The following LRBA variants were observed in gnomAD, a reference collection of about 807,000 sequenced individuals.
LRBA encodes LPS responsive beige-like anchor protein, also known as lipopolysaccharide-responsive and beige-like anchor protein.
LRBA carries 176 observed loss-of-function variants against 330.0 expected under a neutral mutation model. That is an observed-to-expected ratio of 0.53 (90% CI 0.47 to 0.60). The LOEUF (loss-of-function observed/expected upper bound fraction) is 0.60. Ranked by LOEUF, LRBA falls within the 20% of genes least tolerant of loss-of-function variation. LRBA has a pLI of 0.00. For synonymous variants in LRBA, 1,230 were observed against 1,193.0 expected (o/e 1.03, Z -0.64); for missense variants, 3,259 against 3,444.8 (o/e 0.95, Z 1.35).
At position 150,800,444 on chromosome 4, in the gene LRBA, G is replaced by A. The variant is rs1026670935; in HGVS notation, c.5519-2302C>T. On this transcript the variant is annotated intron_variant, in intron 33 of 56. Transcript: ENST00000651943. ...AGAAATAGAGGATAGCCCCAATAAG[G>A]AACTTAACATCAAAATGTAGAACTT... 3.3e-5 allele frequency among the ~76,000 whole-genome samples: 5 copies of A among 152,096 alleles called. 1 individual carries two copies. The highest frequency in any genetic ancestry group is 1.2e-4 in the African/African-American group (5 of 41,412).
intron 22 of LRBA, among the ~76,000 whole-genome samples, chr4:150,861,772 C>CT (rs1459509393): frequency 5.3e-5 from 8 of 152,132 alleles, no homozygotes; most frequent in African/African-American, 1.9e-4. Context: ...CTTTTTGACT[C>CT]TTTTGAAATC....
At chr4:150,902,443 G>A (rs1323526721) in intron 13 of LRBA, among the ~76,000 whole-genome samples, 3 of 152,050 alleles carry the variant, frequency 2.0e-5, no homozygotes, top group East Asian at 1.9e-4. Context: ...GCGAACCTAA[G>A]GACTTCCTAG....
In LRBA at chr4:150,976,913, G is replaced by A. The variant is rs117301148; in HGVS notation, c.216+37514C>T. On this transcript the variant is annotated intron_variant, in intron 2 of 56. Transcript: ENST00000651943. Reference sequence around the variant, plus strand: ...TAGCCAACGTCCACCTACAGAGAGAGTATTAAGACCAGCCCTAGCCAGAAG... The same window carrying A: ...TAGCCAACGTCCACCTACAGAGAGAATATTAAGACCAGCCCTAGCCAGAAG... 2.2e-3 allele frequency among the ~76,000 whole-genome samples: 338 copies of A among 152,334 alleles called. 3 individuals carry two copies. In the East Asian group the frequency reaches 0.029, roughly 13 times the overall value.
chr4:150,300,883 C>T (rs188112101), intron 53 of LRBA, among the ~76,000 whole-genome samples: 1 of 151,956 alleles, frequency 6.6e-6, no homozygotes, highest in East Asian at 1.9e-4. Flanking sequence ...TTTTAGAATA[C>T]ACATTGGTAA....
chr4:150,589,009 CAT>C (rs1304472639), intron 39 of LRBA, among the ~76,000 whole-genome samples: 5 of 150,894 alleles, frequency 3.3e-5, no homozygotes, highest in African/African-American at 9.8e-5. Context: ...AAAAATGTTA[CAT>C]ATATATGTCT....
intron 40 of LRBA, among the ~76,000 whole-genome samples, chr4:150,510,589 C>T (rs1461245336): frequency 1.3e-5 from 2 of 152,216 alleles, no homozygotes; most frequent in Non-Finnish European, 2.9e-5. Context: ...TTCTCAAAAA[C>T]ATCTACGCAG....
chr4:150,946,594 A>T (rs1236133093), intron 2 of LRBA, among the ~76,000 whole-genome samples: 1 of 152,086 alleles, frequency 6.6e-6, no homozygotes. Context: ...AATATAATAT[A>T]TCAAAATTTG....
chr4:150,489,265 A>AATATATAATATATTATATATACGT (rs1561250426), intron 41 of LRBA, among the ~76,000 whole-genome samples: 644 of 34,404 alleles, frequency 0.019, 54 homozygotes, highest in South Asian at 0.074. Flanking sequence ...TATATATAAG[A>AATATATAATATATTATATATACGT]ATATATAATA....
At chr4:150,592,515 T>C (rs1203861746) in intron 38 of LRBA, among the ~76,000 whole-genome samples, 1 of 152,206 alleles carries the variant, frequency 6.6e-6, no homozygotes, top group Non-Finnish European at 1.5e-5. Flanking sequence ...AAATACACTC[T>C]ATGGGTAAAT....
At chr4:150,465,563 G>T (rs967961895) in intron 44 of LRBA, among the ~76,000 whole-genome samples, 4 of 152,138 alleles carry the variant, frequency 2.6e-5, no homozygotes, top group Admixed American at 6.6e-5. Flanking sequence ...CCTAATGGTT[G>T]TGAAGTGGTA....
intron 36 of LRBA, among the ~76,000 whole-genome samples, chr4:150,718,456 G>A (rs1002999088): frequency 6.7e-6 from 1 of 149,620 alleles, no homozygotes. Flanking sequence ...TAAGATATAA[G>A]CTGTCTCAAA....
chr4:150,914,362 G>T, intron 8 of LRBA, 21 bp from the exon 9 acceptor site: 2 of 1,429,448 alleles, frequency 1.4e-6, no homozygotes, highest in Non-Finnish European at 1.9e-6. Flanking sequence ...AAAAAAAAAA[G>T]GAATTAGGAA....
chr4:150,968,251 C>T (rs944238074), intron 2 of LRBA, among the ~76,000 whole-genome samples: 20 of 152,112 alleles, frequency 1.3e-4, no homozygotes, highest in African/African-American at 4.6e-4. Flanking sequence ...TGATCACCCA[C>T]CTCGGCCTTC....
rs1002015795 is a variant in LRBA, at chr4:150,806,287, C to G, written c.5502G>C (p.Leu1834=). 1 of 1,589,236 alleles carries G rather than the reference C, an allele frequency of 6.3e-7. No individual in the cohort carries two copies. Among genetic ancestry groups the G allele is most frequent in the East Asian group, 2.3e-5 (1 of 43,558 alleles). Residue 1834 remains leucine, a synonymous_variant, in exon 33 of 57, where the codon CTG becomes CTC. Coordinates refer to ENST00000651943, the MANE Select transcript of LRBA (RefSeq NM_001364905.1). The stretch of plus-strand genomic sequence containing the variant: ...ACCACTTACTTGTTCCTTCTATAAG[C>G]AGTTCTTGTCCATGGCTACCCAAAA... ...RTLLGSHGQE[L]LIEGTSLVCM... is the part of the protein sequence containing the mutation.
At chr4:150,853,546 T>C (rs1750870539) in intron 22 of LRBA, among the ~76,000 whole-genome samples, 1 of 152,208 alleles carries the variant, frequency 6.6e-6, no homozygotes, top group Admixed American at 6.5e-5. Flanking sequence ...ATAGTCTGAA[T>C]GTTTCAGTTG....
At chr4:150,426,381 A>C (rs1420739235) in intron 46 of LRBA, among the ~76,000 whole-genome samples, 9 of 152,024 alleles carry the variant, frequency 5.9e-5, no homozygotes, top group Admixed American at 2.0e-4. Flanking sequence ...CATGGATTAC[A>C]AATCAATAGA....
intron 13 of LRBA, among the ~76,000 whole-genome samples, chr4:150,905,256 A>T (rs1317634290): frequency 3.9e-5 from 6 of 152,312 alleles, no homozygotes; most frequent in African/African-American, 1.2e-4. Context: ...TAAAATGATT[A>T]CGAGACTAGT....
chr4:150,822,651 G>A (rs191917942), intron 30 of LRBA, among the ~76,000 whole-genome samples: 1 of 149,520 alleles, frequency 6.7e-6, no homozygotes, highest in Non-Finnish European at 1.5e-5. Context: ...CTACTCAGGG[G>A]ACTGAGGAAG....
At chr4:150,989,596 G>C (rs570082467) in intron 2 of LRBA, among the ~76,000 whole-genome samples, 2 of 152,162 alleles carry the variant, frequency 1.3e-5, no homozygotes, top group South Asian at 4.1e-4. Context: ...CCGGGCGACA[G>C]AGCGAGACTC....
Sources: allele counts gnomAD v4.1 joint callset (sites outside exome capture counted in the v4.1 genomes callset), GRCh38; gene constraint gnomAD v4.1.1; transcripts MANE v1.5; gene names NCBI Gene and HGNC (gene_info 2026-07-23, HGNC 2026-07-21).